SMAD3: variants seen among roughly 807,000 people sequenced by gnomAD.
SMAD3 encodes SMAD family member 3, also known as MAD homolog 3.
A neutral mutation model predicts 51.8 loss-of-function variants in SMAD3; 12 were observed. The observed-to-expected ratio is 0.23, with a 90% CI of 0.15 to 0.38. SMAD3 has a LOEUF of 0.38. Among genes scored for constraint, SMAD3 ranks in the 10% least tolerant of loss-of-function variants. The probability of loss-of-function intolerance (pLI) is 1.00; values close to 1 mark genes in which losing one functional copy is unlikely to be tolerated. For synonymous variants in SMAD3, 238 were observed against 227.7 expected, an observed-to-expected ratio of 1.05 and a Z score of -0.41; for missense variants, 294 against 565.6, an observed-to-expected ratio of 0.52 and a Z score of 4.87.
rs1279427816 is a variant in SMAD3, at chr15:67,098,322, AGGAG to A, written c.206+31987_206+31990del. Among the ~76,000 whole-genome samples the A allele has an allele frequency of 6.8e-3, 571 of 83,824 alleles. 1 individual carries two copies. The highest frequency in any genetic ancestry group is 9.4e-3 in the Middle Eastern group (2 of 212). 55.0% of individuals were successfully genotyped at this position (83,824 alleles called of 152,430 possible). A position where few individuals can be genotyped will look rare whatever the true frequency, so the allele number is the denominator to read the frequency against. ...CCCAAGACAGATTAAAAAAGAAGGA[AGGAG>A]GGAGGGAGGGAGGGAGGGAGGGAGA... On this transcript the variant is annotated intron_variant, in intron 1 of 8. Coordinates refer to ENST00000327367, the MANE Select transcript of SMAD3 (RefSeq NM_005902.4).
intron 1 of SMAD3, among the ~76,000 whole-genome samples, chr15:67,109,042 T>G (rs1000312960): frequency 3.9e-5 from 6 of 152,232 alleles, no homozygotes; most frequent in African/African-American, 1.4e-4. Context: ...GAAGACCAGT[T>G]ATTATTCGTC....
chr15:67,190,238 G>A (rs1207764035), intron 8 of SMAD3, among the ~76,000 whole-genome samples, 175 bp from the exon 9 acceptor site: 1 of 152,150 alleles, frequency 6.6e-6, no homozygotes, highest in Non-Finnish European at 1.5e-5. Flanking sequence ...TCCTCCCTGG[G>A]TAGAGGAGTT....
chr15:67,089,450 C>T (rs1173076310), intron 1 of SMAD3, among the ~76,000 whole-genome samples: 1 of 152,174 alleles, frequency 6.6e-6, no homozygotes, highest in African/African-American at 2.4e-5. Context: ...TTACAACTGC[C>T]CTGGGTGGAG....
intron 5 of SMAD3, among the ~76,000 whole-genome samples, chr15:67,171,267 G>T (rs964979209): frequency 1.3e-5 from 2 of 152,092 alleles, no homozygotes; most frequent in African/African-American, 2.4e-5. Flanking sequence ...GTTTATCGTT[G>T]TGTGTTATCT....
intron 1 of SMAD3, among the ~76,000 whole-genome samples, chr15:67,071,204 A>C (rs1283384270): frequency 2.0e-5 from 3 of 152,186 alleles, no homozygotes; most frequent in Non-Finnish European, 4.4e-5. Flanking sequence ...AGAAGGGGAC[A>C]AGGGTTATCC....
chr15:67,126,224 G>C (rs1371507189), intron 1 of SMAD3, among the ~76,000 whole-genome samples: 1 of 152,106 alleles, frequency 6.6e-6, no homozygotes, highest in African/African-American at 2.4e-5. Context: ...ATCTTGCGAG[G>C]TGTCAGGCCA....
At chr15:67,102,776 T>G (rs980948655) in intron 1 of SMAD3, among the ~76,000 whole-genome samples, 6 of 152,130 alleles carry the variant, frequency 3.9e-5, no homozygotes, top group Non-Finnish European at 8.8e-5. Context: ...TCCCTTAGCT[T>G]GGTATTTAAA....
In SMAD3 at chr15:67,065,904, T is replaced by G. The variant is rs1959901313; in HGVS notation, c.-251T>G. The G allele has an allele frequency of 4.6e-6, 1 of 215,764 alleles. No homozygotes were observed. Among genetic ancestry groups the G allele is most frequent in the Admixed American group, 5.9e-5 (1 of 17,040 alleles). 13.4% of individuals were successfully genotyped at this position (215,764 alleles called of 1,614,324 possible). ...GTTCGGGGCCTTCCCGACCCTGCAC[T>G]GCTGCCGTCCGCCCGCCCGGCCGCT... On this transcript the variant is annotated 5_prime_UTR_variant, in exon 1 of 9. Transcript: ENST00000327367.
chr15:67,156,915 A>G (rs752565912), intron 1 of SMAD3, among the ~76,000 whole-genome samples: 17 of 152,240 alleles, frequency 1.1e-4, no homozygotes, highest in East Asian at 1.9e-4. Flanking sequence ...CCACTGGCCA[A>G]TGCAAGTCAA....
At chr15:67,096,057 T>C (rs1442253436) in intron 1 of SMAD3, among the ~76,000 whole-genome samples, 1 of 152,178 alleles carries the variant, frequency 6.6e-6, no homozygotes, top group African/African-American at 2.4e-5. Flanking sequence ...CTGACAGTCC[T>C]GATGCTTTCC....
At chr15:67,094,592 C>T (rs1960576512) in intron 1 of SMAD3, among the ~76,000 whole-genome samples, 1 of 152,212 alleles carries the variant, frequency 6.6e-6, no homozygotes, top group Non-Finnish European at 1.5e-5. Flanking sequence ...GAGCTTTTCA[C>T]TCCATAAATA....
In SMAD3 at chr15:67,094,816, A is replaced by G. The variant is rs1595895502; in HGVS notation, c.206+28456A>G. On this transcript the variant is annotated intron_variant, in intron 1 of 8. Coordinates refer to ENST00000327367, the MANE Select transcript of SMAD3 (RefSeq NM_005902.4). ...TTGATGTTCCAGAGCGTTTGGAGTCAAGAGTTGCACTCTTTTTTCTTGCAT... is the reference window on the plus strand; with the variant it reads ...TTGATGTTCCAGAGCGTTTGGAGTCGAGAGTTGCACTCTTTTTTCTTGCAT... Among the ~76,000 whole-genome samples the G allele has an allele frequency of 4.1e-4, 9 of 22,152 alleles. No individual in the cohort carries two copies. The South Asian group carries it at 0.038, about 95-fold the overall frequency. 14.5% of individuals were successfully genotyped at this position (22,152 alleles called of 152,430 possible).
chr15:67,135,619 G>C (rs1961640447), intron 1 of SMAD3, among the ~76,000 whole-genome samples: 1 of 151,844 alleles, frequency 6.6e-6, no homozygotes, highest in African/African-American at 2.4e-5. Flanking sequence ...ACATTGCTGT[G>C]TATACTCTCA....
At chr15:67,158,961 T>C (rs925811150) in intron 1 of SMAD3, among the ~76,000 whole-genome samples, 2 of 152,228 alleles carry the variant, frequency 1.3e-5, no homozygotes, top group African/African-American at 4.8e-5. Context: ...TCTTTCTGGG[T>C]AGTGTCTGTT....
At chr15:67,126,648 C>T (rs1961395880) in intron 1 of SMAD3, among the ~76,000 whole-genome samples, 1 of 152,154 alleles carries the variant, frequency 6.6e-6, no homozygotes, top group Admixed American at 6.5e-5. Flanking sequence ...AAGGACAGAG[C>T]CCTTTCCTGT....
chr15:67,098,547 C>A (rs1240916192), intron 1 of SMAD3: 1 of 349,270 alleles, frequency 2.9e-6, no homozygotes, highest in Non-Finnish European at 5.4e-6. Context: ...CTCCTCAGCC[C>A]CGGTAGCCTG....
chr15:67,161,736 G>A (rs1962436463), intron 1 of SMAD3, among the ~76,000 whole-genome samples: 2 of 152,100 alleles, frequency 1.3e-5, no homozygotes, highest in Admixed American at 6.5e-5. Context: ...GAATAATAAC[G>A]CTAATTTGTG....
rs772510704 is a variant in SMAD3, at chr15:67,170,578, C to T, written c.632C>T (p.Pro211Leu). 2.6e-5 allele frequency: 42 copies of T among 1,613,892 alleles called. No individual in the cohort carries two copies. Among genetic ancestry groups the T allele is most frequent in the Middle Eastern group, 1.6e-4 (1 of 6,084 alleles). ...GGTTCTCCAAACCTATCCCCGAATC[C>T]GATGTCCCCAGCACATAATAACTTG... The part of the protein sequence containing the change: ...DAGSPNLSPN[P>L]MSPAHNNLDL... The change falls in exon 5 of 9, where the codon CCG (proline) becomes CTG (leucine). Residue 211 changes from proline (P) to leucine (L), a missense_variant. Transcript: ENST00000327367.
Position 67,190,668 on chromosome 15 carries a change from AC to A in SMAD3, c.*135del. The A allele has an allele frequency of 1.1e-6, 1 of 939,110 alleles. No individual in the cohort carries two copies. Among genetic ancestry groups the A allele is most frequent in the Non-Finnish European group, 1.6e-6 (1 of 609,256 alleles). The allele number at this position is 939,110 out of a possible 1,614,324, so 58.2% of individuals were successfully genotyped here. A position where few individuals can be genotyped will look rare whatever the true frequency, so the allele number is the denominator to read the frequency against. ...CTTTCTCCCTCAACTGAAGGGGTGCACCCACCTGTTTTCTGAAACACACGAG... is the reference window on the plus strand; with the variant it reads ...CTTTCTCCCTCAACTGAAGGGGTGCACCACCTGTTTTCTGAAACACACGAG... On this transcript the variant is annotated 3_prime_UTR_variant, in exon 9 of 9. Transcript: ENST00000327367.
Sources: allele counts gnomAD v4.1 joint callset (sites outside exome capture counted in the v4.1 genomes callset), GRCh38; gene constraint gnomAD v4.1.1; transcripts MANE v1.5; gene names NCBI Gene and HGNC (gene_info 2026-07-23, HGNC 2026-07-21).